TENT4B: variants seen among roughly 807,000 people sequenced by gnomAD.
TENT4B encodes the protein PAP associated domain containing 5.
A neutral mutation model predicts 75.0 loss-of-function variants in TENT4B; 10 were observed. That is an observed-to-expected ratio of 0.13 (90% CI 0.08 to 0.23). The LOEUF (loss-of-function observed/expected upper bound fraction) is 0.23. Ranked by LOEUF, TENT4B falls within the 10% of genes least tolerant of loss-of-function variation. TENT4B has a pLI of 1.00. For missense variants in TENT4B, 579 were observed against 893.8 expected (o/e 0.65, Z 4.49); for synonymous variants, 350 against 357.7 (o/e 0.98, Z 0.24).
chr16:50,189,008 T>C (rs1257848045), intron 1 of TENT4B, among the ~76,000 whole-genome samples: 1 of 152,220 alleles, frequency 6.6e-6, no homozygotes, highest in Non-Finnish European at 1.5e-5. Flanking sequence ...TGCCTCTGCT[T>C]CCCTGCGTGG....
intron 1 of TENT4B, among the ~76,000 whole-genome samples, chr16:50,165,555 G>C (rs971813546): frequency 2.0e-5 from 3 of 152,010 alleles, no homozygotes; most frequent in African/African-American, 7.2e-5. Context: ...ACCCCAGAAA[G>C]AAACTCTGAA....
chr16:50,206,947 T>G (rs569892999), intron 1 of TENT4B, among the ~76,000 whole-genome samples: 11 of 152,144 alleles, frequency 7.2e-5, no homozygotes, highest in East Asian at 1.9e-4. Context: ...TGAGTTTTAT[T>G]TTTTAAATAT....
At chr16:50,177,132 A>G (rs2058388684) in intron 1 of TENT4B, among the ~76,000 whole-genome samples, 1 of 151,650 alleles carries the variant, frequency 6.6e-6, no homozygotes, top group Admixed American at 6.6e-5. Context: ...TCTCCTGAGT[A>G]GCTAGAATTA....
chr16:50,153,888 C>T lies in TENT4B; in HGVS notation c.267C>T (p.Arg89=), dbSNP rs2037830761. Residue 89 remains arginine (R), a synonymous_variant, in exon 1 of 12, where the codon CGC becomes CGT. Coordinates refer to ENST00000561678, the MANE Select transcript of TENT4B (RefSeq NM_001365324.3). ...CCGGCATGTATCGCTCCGGGGAGCG[C>T]CTGCTGGGCAGCCACGCGCTGCCCG... The part of the protein sequence containing the change: ...APAGMYRSGE[R]LLGSHALPAE... 1 of 1,515,714 alleles carries T rather than the reference C, an allele frequency of 6.6e-7. No individual in the cohort carries two copies. Among genetic ancestry groups the T allele is most frequent in the East Asian group, 2.6e-5 (1 of 38,222 alleles). 93.9% of individuals were successfully genotyped at this position (1,515,714 alleles called of 1,614,324 possible). A position where few individuals can be genotyped will look rare whatever the true frequency, so the allele number is the denominator to read the frequency against.
At chr16:50,192,666 T>C (rs1414377343) in intron 1 of TENT4B, among the ~76,000 whole-genome samples, 1 of 152,236 alleles carries the variant, frequency 6.6e-6, no homozygotes, top group African/African-American at 2.4e-5. Context: ...GAGAAAGCCA[T>C]TGACAATATA....
chr16:50,217,840 G>A (rs931834791), intron 5 of TENT4B, among the ~76,000 whole-genome samples, 177 bp downstream of exon 5: 8 of 150,798 alleles, frequency 5.3e-5, no homozygotes, highest in Middle Eastern at 3.4e-3. Context: ...ATCATGGCCC[G>A]CTGCAGCCTC....
In TENT4B at chr16:50,225,196, A is replaced by G. The variant is rs755942315; in HGVS notation, c.1711A>G (p.Thr571Ala). The G allele has an allele frequency of 4.3e-6, 7 of 1,613,784 alleles. No homozygotes were observed. The highest frequency in any genetic ancestry group is 1.1e-5 in the South Asian group (1 of 91,070). ...AGCCCTTGGAAAATGTAGAAGTAAAACCTCGGAATCTCTTAGTAAACACTC... is the reference window on the plus strand; with the variant it reads ...AGCCCTTGGAAAATGTAGAAGTAAAGCCTCGGAATCTCTTAGTAAACACTC... ...NEALGKCRSK[T>A]SESLSKHSSN... Residue 571 changes from threonine (T) to alanine (A), a missense_variant, in exon 10 of 12, where the codon ACC (threonine) becomes GCC (alanine). Thr to Ala is a moderately conservative substitution (Grantham distance 58). This residue lies in a region of TENT4B where 164 missense variants were observed against 226.5 expected (regional missense o/e 0.72). Transcript: ENST00000561678.
At chr16:50,167,324 T>G (rs1364027772) in intron 1 of TENT4B, among the ~76,000 whole-genome samples, 1 of 152,088 alleles carries the variant, frequency 6.6e-6, no homozygotes, top group Non-Finnish European at 1.5e-5. Context: ...TGGATGAGCT[T>G]GTTCTAAATG....
rs537667311 is a variant in TENT4B, at chr16:50,213,992, T to C, written c.763-229T>C. 3.3e-5 allele frequency among the ~76,000 whole-genome samples: 5 copies of C among 152,294 alleles called. No individual in the cohort carries two copies. The South Asian group carries it at 1.0e-3, about 32-fold the overall frequency. The stretch of plus-strand genomic sequence containing the variant: ...ATACCAAGGGACAACTGTATTTTGG[T>C]CTATGTGTTTCATATTGAACCAGAT... On this transcript the variant is annotated intron_variant, in intron 2 of 11. Coordinates refer to ENST00000561678, the MANE Select transcript of TENT4B (RefSeq NM_001365324.3).
chr16:50,168,309 C>CT (rs1321131980), intron 1 of TENT4B, among the ~76,000 whole-genome samples: 3 of 150,350 alleles, frequency 2.0e-5, no homozygotes, highest in Admixed American at 6.6e-5. Flanking sequence ...TTTCTTTTCT[C>CT]TTTTTTTTGA....
intron 5 of TENT4B, among the ~76,000 whole-genome samples, chr16:50,220,338 CTTTTTTTTTTCT>C (rs1006975046): frequency 1.4e-5 from 2 of 147,700 alleles, no homozygotes. Flanking sequence ...TATGTGGCCA[CTTTTTTTTTTCT>C]TTTTTTTTAA....
rs915433942 is a variant in TENT4B at position 50,232,074 on chromosome 16, G to A, written c.*2746G>A. 3.0e-6 allele frequency: 3 copies of A among 985,350 alleles called. No individual in the cohort carries two copies. The East Asian group carries it at 3.4e-4, about 112-fold the overall frequency. 61.0% of individuals were successfully genotyped at this position (985,350 alleles called of 1,614,324 possible). On this transcript the variant is annotated 3_prime_UTR_variant, in exon 12 of 12. Transcript: ENST00000561678. ...GTCATGTATGTGTACCTGGCCATTA[G>A]AAATATTAATATTTAAAGACTGTTT...
chr16:50,201,694 T>A (rs2150723108), intron 1 of TENT4B, among the ~76,000 whole-genome samples: 1 of 151,638 alleles, frequency 6.6e-6, no homozygotes, highest in East Asian at 1.9e-4. Flanking sequence ...AATACAAAAA[T>A]TAGCTGGATG....
chr16:50,166,388 A>T (rs374907041), intron 1 of TENT4B, among the ~76,000 whole-genome samples: 27 of 152,208 alleles, frequency 1.8e-4, no homozygotes, highest in African/African-American at 6.5e-4. Flanking sequence ...CCCAGTCTGC[A>T]CTTTCTTTAT....
chr16:50,222,012 G>A (rs1305916392), intron 5 of TENT4B, among the ~76,000 whole-genome samples: 1 of 152,020 alleles, frequency 6.6e-6, no homozygotes, highest in African/African-American at 2.4e-5. Flanking sequence ...TGATCTGCCC[G>A]CCTTGGTCTC....
intron 1 of TENT4B, among the ~76,000 whole-genome samples, chr16:50,167,529 T>G (rs1030191773): frequency 2.6e-5 from 4 of 152,188 alleles, no homozygotes; most frequent in African/African-American, 9.6e-5. Context: ...TATTTTTTTT[T>G]CTTTGGTTGC....
At chr16:50,183,087 AGGCTGGAGTGCAAT>A (rs1022635998) in intron 1 of TENT4B, among the ~76,000 whole-genome samples, 1 of 149,922 alleles carries the variant, frequency 6.7e-6, no homozygotes, top group African/African-American at 2.5e-5. Context: ...CTTGTCACCC[AGGCTGGAGTGCAAT>A]GGCCCAATCT....
intron 1 of TENT4B, among the ~76,000 whole-genome samples, chr16:50,170,495 G>A (rs1174296924): frequency 1.3e-5 from 2 of 152,122 alleles, no homozygotes; most frequent in African/African-American, 4.8e-5. Context: ...TAAAAACTAT[G>A]TAACAAGCAT....
At chr16:50,200,783 T>A (rs2030589268) in intron 1 of TENT4B, among the ~76,000 whole-genome samples, 1 of 151,794 alleles carries the variant, frequency 6.6e-6, no homozygotes, top group South Asian at 2.1e-4. Flanking sequence ...TTTTGCTTTA[T>A]TTTTGTGTTT....
Sources: gnomAD v4.1 joint callset for allele counts (sites outside exome capture counted in the v4.1 genomes callset) on GRCh38, gnomAD v4.1.1 for gene constraint, gnomAD v4.1.1 regional missense constraint, MANE v1.5 for transcripts, NCBI Gene and HGNC (gene_info 2026-07-23, HGNC 2026-07-21) for gene names.